The following METTL2A variants were observed in gnomAD, a reference collection of about 807,000 sequenced individuals.
METTL2A encodes tRNA N(3)-cytidine methyltransferase METTL2A.
METTL2A carries 45 observed loss-of-function variants against 49.4 expected under a neutral mutation model. That is an observed-to-expected ratio of 0.91 (90% CI 0.72 to 1.17). The LOEUF (loss-of-function observed/expected upper bound fraction) is 1.17. Among genes scored for constraint, METTL2A ranks in the 50% most tolerant of loss-of-function variants. METTL2A has a pLI of 0.00. For synonymous variants in METTL2A, 118 were observed against 167.5 expected (o/e 0.70, Z 2.28); for missense variants, 361 against 462.2 (o/e 0.78, Z 2.01).
intron 7 of METTL2A, 102 bp from the exon 8 acceptor site, chr17:62,447,599 G>T: frequency 1.6e-6 from 2 of 1,270,010 alleles, no homozygotes; most frequent in Admixed American, 3.5e-5. Flanking sequence ...AGGCAGGAGT[G>T]CTCTCCACCC....
In METTL2A at chr17:62,435,339, G is replaced by T. The variant is rs763536819; in HGVS notation, c.669+47G>T. 3.1e-6 allele frequency: 5 copies of T among 1,612,190 alleles called. No individual in the cohort carries two copies. The South Asian group carries it at 5.5e-5, about 18-fold the overall frequency. On this transcript the variant is annotated intron_variant, in intron 5 of 8. Transcript: ENST00000311506. ...CTATTGGTAATTTCCACTGATTAAAGGGAAAAGGTTCTCCTAAAAATCAAG... is the reference window on the plus strand; with the variant it reads ...CTATTGGTAATTTCCACTGATTAAATGGAAAAGGTTCTCCTAAAAATCAAG...
At position 62,426,466 on chromosome 17, in the gene METTL2A, C is replaced by T. The variant is rs1396636861; in HGVS notation, c.370C>T (p.Pro124Ser). The T allele has an allele frequency of 1.9e-6, 3 of 1,613,900 alleles. No homozygotes were observed. Among genetic ancestry groups the T allele is most frequent in the Non-Finnish European group, 2.5e-6 (3 of 1,180,008 alleles). The change falls in exon 3 of 9, where the codon CCT becomes TCT. Residue 124 changes from proline to serine, a missense_variant. Around this residue, in one of 3 missense-constraint regions of METTL2A, gnomAD observed 150 missense variants for 170.1 expected, o/e 0.88. Coordinates refer to ENST00000311506, the MANE Select transcript of METTL2A (RefSeq NM_181725.4). ...DWFLENKSEV[P>S]ECRNNEDGPG... is the part of the protein sequence containing the mutation. ...GTTCTTGGAGAACAAGAGTGAAGTACCTGAATGTAGAAACAATGAGGATGG... is the reference window on the plus strand; with the variant it reads ...GTTCTTGGAGAACAAGAGTGAAGTATCTGAATGTAGAAACAATGAGGATGG...
intron 7 of METTL2A, among the ~76,000 whole-genome samples, chr17:62,446,903 T>G (rs2070772694): frequency 6.6e-6 from 1 of 152,176 alleles, no homozygotes; most frequent in South Asian, 2.1e-4. Context: ...TGTGATGATT[T>G]GGGCATTCAG....
At chr17:62,444,398 GCCT>G (rs1274889054) in intron 6 of METTL2A, among the ~76,000 whole-genome samples, 1 of 152,216 alleles carries the variant, frequency 6.6e-6, no homozygotes. Flanking sequence ...TCCTGCCTCA[GCCT>G]CCTGAGTGTC....
intron 4 of METTL2A, 125 bp downstream of exon 4, chr17:62,427,962 G>A: frequency 2.7e-6 from 3 of 1,112,422 alleles, no homozygotes; most frequent in Non-Finnish European, 3.8e-6. Context: ...GAGGCCAGGA[G>A]TGTGAGACCA....
At chr17:62,443,377 C>CA (rs779493492) in intron 6 of METTL2A, among the ~76,000 whole-genome samples, 50 of 151,636 alleles carry the variant, frequency 3.3e-4, no homozygotes, top group African/African-American at 4.1e-4. Context: ...GACCCTGTCT[C>CA]AAAAAAAACC....
intron 4 of METTL2A, among the ~76,000 whole-genome samples, chr17:62,432,378 A>G (rs1272287610): frequency 6.6e-6 from 1 of 152,192 alleles, no homozygotes; most frequent in African/African-American, 2.4e-5. Context: ...ATTGAAAATA[A>G]ATAGTGTAGG....
chr17:62,440,740 G>A lies in METTL2A; in HGVS notation c.793G>A (p.Ala265Thr), dbSNP rs758142350. 3 of 1,613,828 alleles carry A rather than the reference G, an allele frequency of 1.9e-6. No individual in the cohort carries two copies. Among genetic ancestry groups the A allele is most frequent in the South Asian group, 2.2e-5 (2 of 91,030 alleles). ...DIIILIFVLS[A>T]IVPDKMQKAI... ...TATCATTCTCATATTTGTTCTTTCA[G>A]CAATTGTTCCAGACAAGTAAGTTTG... The change falls in exon 6 of 9, where the codon GCA (alanine) becomes ACA (threonine). Residue 265 changes from alanine to threonine, a missense_variant. Transcript: ENST00000311506.
chr17:62,436,557 A>AG (rs2070701663), intron 5 of METTL2A, among the ~76,000 whole-genome samples: 1 of 152,144 alleles, frequency 6.6e-6, no homozygotes, highest in Non-Finnish European at 1.5e-5. Context: ...CTCAAAAAAA[A>AG]GAGAGAGAAA....
intron 4 of METTL2A, among the ~76,000 whole-genome samples, chr17:62,428,806 C>G (rs1342302956): frequency 6.6e-6 from 1 of 152,198 alleles, no homozygotes; most frequent in Non-Finnish European, 1.5e-5. Flanking sequence ...AGTTTTGAGA[C>G]AAGCTCTTGT....
At chr17:62,429,991 C>G (rs565516805) in intron 4 of METTL2A, among the ~76,000 whole-genome samples, 2 of 152,298 alleles carry the variant, frequency 1.3e-5, no homozygotes, top group Admixed American at 6.5e-5. Context: ...TTTTAAACCC[C>G]TTGTGGAAAT....
intron 7 of METTL2A, 54 bp from the exon 8 acceptor site, chr17:62,447,647 C>T (rs1163372087): frequency 2.1e-5 from 34 of 1,595,582 alleles, no homozygotes; most frequent in South Asian, 1.0e-4. Flanking sequence ...CTTAGCAATG[C>T]GAGTCAAAGA....
Position 62,450,247 on chromosome 17 carries a change from C to CATTTTTTTTTTTTTTTTT in METTL2A, c.*1518_*1519insATTTTTTTTTTTTTTTTT, listed in dbSNP as rs1396756918. 3 of 80,540 alleles carry CATTTTTTTTTTTTTTTTT rather than the reference C, an allele frequency of 3.7e-5. 1 individual carries two copies. The allele number at this position is 80,540 out of a possible 1,614,324, so 5.0% of individuals were successfully genotyped here. A position where few individuals can be genotyped will look rare whatever the true frequency, so the allele number is the denominator to read the frequency against. On this transcript the variant is annotated 3_prime_UTR_variant, in exon 9 of 9. Transcript: ENST00000311506. The stretch of plus-strand genomic sequence containing the variant: ...TGTGATCATTATCAGTGTTAGATGC[C>CATTTTTTTTTTTTTTTTT]TTTTTTTTTTTTTTTTTTTTTTTTT...
At position 62,451,890 on chromosome 17, in the gene METTL2A, CAAAAAAA is replaced by C. The variant is rs772762045; in HGVS notation, c.*3175_*3181del. On this transcript the variant is annotated 3_prime_UTR_variant, in exon 9 of 9. Coordinates refer to ENST00000311506, the MANE Select transcript of METTL2A (RefSeq NM_181725.4). ...GGGCAACAAGAGTGAAACTCCGTCT[CAAAAAAA>C]AAAAAAAAAAAAATTAGCTGGGCAT... is the stretch of plus-strand genomic sequence containing the variant. Among the ~76,000 whole-genome samples the C allele has an allele frequency of 1.5e-4, 9 of 60,036 alleles. No individual in the cohort carries two copies. The highest frequency in any genetic ancestry group is 4.9e-4 in the East Asian group (1 of 2,052). The allele number at this position is 60,036 out of a possible 152,430, so 39.4% of individuals were successfully genotyped here.
At chr17:62,446,550 T>C (rs145564859) in intron 7 of METTL2A, among the ~76,000 whole-genome samples, 9,686 of 151,868 alleles carry the variant, frequency 0.064, 447 homozygotes, top group Non-Finnish European at 0.1. Context: ...TGACCTTAGG[T>C]GATCCACCCA....
chr17:62,424,412 C>T (rs2070608996), intron 2 of METTL2A, 102 bp downstream of exon 2: 1 of 1,517,954 alleles, frequency 6.6e-7, no homozygotes, highest in African/African-American at 1.4e-5. Flanking sequence ...TCCTTTATTC[C>T]TGGCCTGATG....
At chr17:62,438,532 A>G (rs2070716380) in intron 5 of METTL2A, among the ~76,000 whole-genome samples, 1 of 150,890 alleles carries the variant, frequency 6.6e-6, no homozygotes. Flanking sequence ...CAGTGAGCCG[A>G]GATCGCACCA....
intron 4 of METTL2A, among the ~76,000 whole-genome samples, chr17:62,428,851 A>G (rs2070645608): frequency 6.6e-6 from 1 of 152,226 alleles, no homozygotes; most frequent in Non-Finnish European, 1.5e-5. Flanking sequence ...TGGTGCGCCC[A>G]TAGCACACTG....
Position 62,451,367 on chromosome 17 carries a change from C to G in METTL2A, c.*2638C>G, listed in dbSNP as rs1219124643. 6.6e-6 allele frequency among the ~76,000 whole-genome samples: 1 copy of G among 151,030 alleles called. No homozygotes were observed. ...TTCTCCATGTTGGTCAGGCTGATCT[C>G]GAACTCCCGACCTCAGGTGATCTGC... is the stretch of plus-strand genomic sequence containing the variant. On this transcript the variant is annotated 3_prime_UTR_variant, in exon 9 of 9. Transcript: ENST00000311506.
Sources: gnomAD v4.1 joint callset for allele counts (sites outside exome capture counted in the v4.1 genomes callset) on GRCh38, gnomAD v4.1.1 for gene constraint, gnomAD v4.1.1 regional missense constraint, MANE v1.5 for transcripts, NCBI Gene and HGNC (gene_info 2026-07-23, HGNC 2026-07-21) for gene names.